The following NAALADL2 variants were observed in gnomAD, a reference collection of about 807,000 sequenced individuals.
The protein encoded by NAALADL2 is inactive N-acetylated-alpha-linked acidic dipeptidase-like protein 2.
Under a neutral mutation model 87.2 loss-of-function variants are expected in NAALADL2, and 76 were observed. That is an observed-to-expected ratio of 0.87 (90% confidence interval 0.72 to 1.05). The LOEUF is 1.05. Ranked by LOEUF, NAALADL2 falls within the 50% of genes least tolerant of loss-of-function variation. The probability of loss-of-function intolerance (pLI) is 0.00; values close to 1 mark genes in which losing one functional copy is unlikely to be tolerated. For synonymous variants in NAALADL2, 354 were observed against 331.0 expected (o/e 1.07, Z -0.75); for missense variants, 1,089 against 945.8 (o/e 1.15, Z -1.99).
At chr3:175,357,603 T>C (rs1275743430) in intron 5 of NAALADL2, among the ~76,000 whole-genome samples, 1 of 152,164 alleles carries the variant, frequency 6.6e-6, no homozygotes, top group Admixed American at 6.6e-5. Flanking sequence ...CCATCACTCA[T>C]GTTGACAAAT....
Position 174,740,921 on chromosome 3 carries a change from A to G in NAALADL2, c.-9+3175A>G, listed in dbSNP as rs149745287. 1.5e-4 allele frequency among the ~76,000 whole-genome samples: 23 copies of G among 151,914 alleles called. No homozygotes were observed. The East Asian group carries it at 4.4e-3, about 29-fold the overall frequency. ...TTATTTTTATGAAAAAGTTCTCACT[A>G]AACTATCCAATAAATTTGATTTATC... On this transcript the variant is annotated intron_variant, in intron 3 of 3. Coordinates refer to the NAALADL2 transcript ENST00000434257.
intron 9 of NAALADL2, among the ~76,000 whole-genome samples, chr3:175,523,065 T>C (rs936030358): frequency 6.6e-6 from 1 of 152,214 alleles, no homozygotes; most frequent in Non-Finnish European, 1.5e-5. Context: ...GGGATTTTTC[T>C]GGTTAAAGAA....
rs1485081226 is a variant in NAALADL2 at position 175,188,320 on chromosome 3, C to G, written c.546-45611C>G. Among the ~76,000 whole-genome samples the G allele has an allele frequency of 2.0e-5, 3 of 152,118 alleles. No homozygotes were observed. In the East Asian group the frequency reaches 5.8e-4, roughly 29 times the overall value. On this transcript the variant is annotated intron_variant, in intron 2 of 13. Coordinates refer to ENST00000454872, the MANE Select transcript of NAALADL2 (RefSeq NM_207015.3). ...ACCTGCTCCTCCAGGGACCCAGACT[C>G]TAGGCTAAGTGGAGCAATCATCCCC...
intron 6 of NAALADL2, among the ~76,000 whole-genome samples, chr3:175,455,907 C>A (rs553889654): frequency 6.6e-6 from 1 of 151,960 alleles, no homozygotes; most frequent in Non-Finnish European, 1.5e-5. Context: ...GCCAGGTGGA[C>A]AAGAAAGGGA....
At chr3:174,898,112 C>CAAAAAAAAAAAAAAAAAAAA (rs913382744) in intron 1 of NAALADL2, among the ~76,000 whole-genome samples, 4 of 14,496 alleles carry the variant, frequency 2.8e-4, no homozygotes, top group East Asian at 2.4e-3. Context: ...GACTCCGTCT[C>CAAAAAAAAAAAAAAAAAAAA]AAAAAAAAAA....
rs1205038448 is a variant in NAALADL2 at position 174,843,034 on chromosome 3, G to C, written c.-9+105288G>C. On this transcript the variant is annotated intron_variant, in intron 3 of 3. Coordinates refer to the NAALADL2 transcript ENST00000434257. Reference sequence around the variant, plus strand: ...TTTATGAGGTTCAATTTGATTTATTGATACATATGACAATCAAATCAGGGT... The same window carrying C: ...TTTATGAGGTTCAATTTGATTTATTCATACATATGACAATCAAATCAGGGT... Among the ~76,000 whole-genome samples the C allele has an allele frequency of 4.0e-5, 6 of 151,876 alleles. No homozygotes were observed. The East Asian group carries it at 9.7e-4, about 24-fold the overall frequency.
chr3:174,790,883 T>A (rs563609693), intron 3 of NAALADL2, among the ~76,000 whole-genome samples: 2 of 152,302 alleles, frequency 1.3e-5, no homozygotes, highest in South Asian at 4.1e-4. Context: ...ATATATGTTC[T>A]TGTGGATATT....
chr3:175,134,560 T>A (rs1728793081), intron 2 of NAALADL2, among the ~76,000 whole-genome samples: 1 of 152,158 alleles, frequency 6.6e-6, no homozygotes, highest in Admixed American at 6.6e-5. Flanking sequence ...CACCTAAATA[T>A]TACTTTTTTC....
chr3:174,791,854 T>C (rs997278350), intron 3 of NAALADL2, among the ~76,000 whole-genome samples: 1 of 152,148 alleles, frequency 6.6e-6, no homozygotes, highest in African/African-American at 2.4e-5. Context: ...CATTGAGGTA[T>C]TTTGTGCATA....
At chr3:175,103,106 C>CA (rs377685441) in intron 2 of NAALADL2, among the ~76,000 whole-genome samples, 1,276 of 122,252 alleles carry the variant, frequency 0.01, 41 homozygotes, top group African/African-American at 0.034. Context: ...GACTCCGTCT[C>CA]AAAAAAAAAA....
intron 1 of NAALADL2, among the ~76,000 whole-genome samples, chr3:175,043,413 A>G (rs1754313500): frequency 6.6e-6 from 1 of 151,844 alleles, no homozygotes. Context: ...TAAATTTCGT[A>G]TTTTTAGTAG....
chr3:175,279,155 C>T (rs751369462), intron 4 of NAALADL2, among the ~76,000 whole-genome samples: 9 of 152,080 alleles, frequency 5.9e-5, no homozygotes, highest in South Asian at 2.1e-4. Context: ...ACAAGTAATG[C>T]GCCTGACAGT....
intron 11 of NAALADL2, among the ~76,000 whole-genome samples, chr3:175,631,191 A>G (rs573724773): frequency 4.6e-5 from 7 of 151,838 alleles, no homozygotes; most frequent in African/African-American, 1.7e-4. Flanking sequence ...ATTTCTACAT[A>G]TTAGGAAGTT....
intron 1 of NAALADL2, among the ~76,000 whole-genome samples, chr3:174,469,578 G>A (rs995960213): frequency 1.5e-4 from 23 of 151,912 alleles, no homozygotes; most frequent in Admixed American, 9.2e-4. Flanking sequence ...ACAGGTACCC[G>A]CCACCAAGTC....
At chr3:175,314,696 A>ATATATATATATAGTTCTAAC (rs1553857604) in intron 4 of NAALADL2, among the ~76,000 whole-genome samples, 1 of 87,848 alleles carries the variant, frequency 1.1e-5, no homozygotes, top group African/African-American at 4.7e-5. Flanking sequence ...ATATATATAT[A>ATATATATATATAGTTCTAAC]TATATATATA....
intron 5 of NAALADL2, among the ~76,000 whole-genome samples, chr3:175,388,393 A>G (rs1247005657): frequency 1.3e-5 from 2 of 152,124 alleles, no homozygotes; most frequent in Non-Finnish European, 2.9e-5. Flanking sequence ...AGACATTGCT[A>G]GACATTATGT....
chr3:175,769,270 C>T (rs984014340), intron 13 of NAALADL2, among the ~76,000 whole-genome samples: 2 of 152,182 alleles, frequency 1.3e-5, no homozygotes, highest in African/African-American at 4.8e-5. Context: ...TCAACCTTAC[C>T]CTTTGGGACT....
intron 1 of NAALADL2, among the ~76,000 whole-genome samples, chr3:175,027,534 T>C (rs1336270565): frequency 6.6e-6 from 1 of 152,148 alleles, no homozygotes; most frequent in Non-Finnish European, 1.5e-5. Context: ...ATTACAAAAT[T>C]AGCTCTAATA....
At chr3:175,548,453 C>T (rs577222843) in intron 9 of NAALADL2, among the ~76,000 whole-genome samples, 29 of 152,010 alleles carry the variant, frequency 1.9e-4, no homozygotes, top group African/African-American at 6.5e-4. Flanking sequence ...CTAATGGGTA[C>T]CAGGCTTAAT....
Sources: gnomAD v4.1 joint callset for allele counts (sites outside exome capture counted in the v4.1 genomes callset) on GRCh38, gnomAD v4.1.1 for gene constraint, MANE v1.5 for transcripts, NCBI Gene and HGNC (gene_info 2026-07-23, HGNC 2026-07-21) for gene names.